DMD: variants seen among roughly 807,000 people sequenced by gnomAD.
DMD encodes the protein mutant dystrophin.
Under a neutral mutation model 330.1 loss-of-function variants are expected in DMD, and 63 were observed. That is an observed-to-expected ratio of 0.19 (90% CI 0.16 to 0.24). The LOEUF (loss-of-function observed/expected upper bound fraction) is 0.24, where lower values mean the gene tolerates loss of function less well. Ranked by LOEUF, DMD falls within the 10% of genes least tolerant of loss-of-function variation. The probability of loss-of-function intolerance (pLI) is 1.00; values close to 1 mark genes in which losing one functional copy is unlikely to be tolerated. For missense variants in DMD, 3,344 were observed against 2,684.1 expected (o/e 1.25, Z -5.43); for synonymous variants, 1,223 against 959.8 (o/e 1.27, Z -5.07).
At chrX:32,543,232 C>T (rs972764930) in intron 17 of DMD, among the ~76,000 whole-genome samples, 11 of 106,346 alleles carry the variant, frequency 1.0e-4, no homozygotes, top group African/African-American at 4.0e-4. Context: ...TAGGCACATA[C>T]AAAAATTGCC....
chrX:31,457,398 A>C (rs2066261199), intron 59 of DMD, among the ~76,000 whole-genome samples: 1 of 111,631 alleles, frequency 9.0e-6, no homozygotes, highest in Non-Finnish European at 1.9e-5. Flanking sequence ...TATGCCAGGG[A>C]ATGTTCTAGG....
chrX:32,575,701 G>C (rs951660168), intron 13 of DMD, among the ~76,000 whole-genome samples: 10 of 111,826 alleles, frequency 8.9e-5, no homozygotes, highest in African/African-American at 3.3e-4. Context: ...GGAGAAAAAA[G>C]CTTCAAATGG....
intron 1 of DMD, among the ~76,000 whole-genome samples, chrX:33,067,579 G>T (rs1162224082): frequency 8.9e-6 from 1 of 112,336 alleles, no homozygotes; most frequent in Non-Finnish European, 1.9e-5. Flanking sequence ...GGTGGCTCAC[G>T]CCTGTAATCC....
Position 32,817,569 on chromosome X carries a change from C to T in DMD, c.358-929G>A, listed in dbSNP as rs141503384. Among the ~76,000 whole-genome samples the T allele has an allele frequency of 2.3e-3, 252 of 111,159 alleles. 6 individuals carry two copies. In the East Asian group the frequency reaches 0.037, roughly 16 times the overall value. On this transcript the variant is annotated intron_variant, in intron 5 of 78. Coordinates refer to ENST00000357033, the MANE Select transcript of DMD (RefSeq NM_004006.3). ...TAAAGACTGCTTTTTAAATATAAGC[C>T]CCTTATGAGATGCTGGAAGAAGACA...
intron 60 of DMD, among the ~76,000 whole-genome samples, chrX:31,351,712 C>A (rs896754384): frequency 1.9e-4 from 9 of 48,631 alleles, no homozygotes; most frequent in African/African-American, 2.7e-4. Context: ...GGTAACAGAA[C>A]AAGACTCCAT....
At chrX:32,123,613 C>A (rs781428933) in intron 44 of DMD, among the ~76,000 whole-genome samples, 11 of 111,683 alleles carry the variant, frequency 9.8e-5, no homozygotes, top group Non-Finnish European at 2.1e-4. Context: ...CACCTCTTAA[C>A]TATACCTATA....
intron 2 of DMD, among the ~76,000 whole-genome samples, chrX:32,986,039 C>A (rs1235090877): frequency 9.0e-6 from 1 of 111,416 alleles, no homozygotes; most frequent in African/African-American, 3.3e-5. Context: ...TTCTAAATTG[C>A]GACTTCTCTC....
At chrX:32,588,639 C>T (rs150955953) in intron 13 of DMD, among the ~76,000 whole-genome samples, 7 of 111,949 alleles carry the variant, frequency 6.3e-5, no homozygotes, top group African/African-American at 2.3e-4. Flanking sequence ...TGGGAACCCA[C>T]ACTGACTTCA....
intron 24 of DMD, 98 bp downstream of exon 24, chrX:32,464,488 G>T: frequency 1.5e-6 from 1 of 647,729 alleles, no homozygotes; most frequent in Non-Finnish European, 2.5e-6. Flanking sequence ...CCACTGGGGA[G>T]AGGAGAGCAA....
Position 31,209,512 on chromosome X carries a change from C to G in DMD, c.9549G>C (p.Leu3183=), listed in dbSNP as rs2148590839. 1 of 1,211,190 alleles carries G rather than the reference C, an allele frequency of 8.3e-7. No homozygotes were observed. The highest frequency in any genetic ancestry group is 3.0e-5 in the East Asian group (1 of 33,832). The change falls in exon 65 of 79, where the codon CTG becomes CTC. Residue 3183 remains leucine, a synonymous_variant. Transcript: ENST00000357033. ...GCCATACGTACGTATCATAAACATT[C>G]AGCAGCCAGTTCAGACACATATCCA... ...LCVDMCLNWL[L]NVYDTGRTGR...
intron 55 of DMD, among the ~76,000 whole-genome samples, chrX:31,511,061 T>C (rs2071491814): frequency 9.0e-6 from 1 of 110,526 alleles, no homozygotes; most frequent in South Asian, 3.8e-4. Flanking sequence ...TGGTAGGAAA[T>C]CTTTCAAGCT....
intron 1 of DMD, among the ~76,000 whole-genome samples, chrX:33,220,657 G>T (rs942042038): frequency 9.0e-6 from 1 of 111,529 alleles, no homozygotes; most frequent in Non-Finnish European, 1.9e-5. Flanking sequence ...ACTATTGCTT[G>T]TCATTTTGTT....
At chrX:31,351,128 A>G (rs775778865) in intron 60 of DMD, among the ~76,000 whole-genome samples, 12 of 105,385 alleles carry the variant, frequency 1.1e-4, no homozygotes, top group African/African-American at 4.2e-4. Flanking sequence ...ACTTAATTTT[A>G]TATATTCACA....
intron 63 of DMD, among the ~76,000 whole-genome samples, chrX:31,255,769 CTTTTTTTT>C (rs146884145): frequency 3.9e-5 from 2 of 50,832 alleles, no homozygotes; most frequent in Non-Finnish European, 6.6e-5. Context: ...AATATCGTTA[CTTTTTTTT>C]TTTTTTTTTT....
At chrX:33,215,147 G>A (rs1032875249), upstream of DMD, among the ~76,000 whole-genome samples, 1 of 109,630 alleles carries the variant, frequency 9.1e-6, no homozygotes, top group Non-Finnish European at 1.9e-5. Context: ...ACCAGCCAGG[G>A]CGACATGGTG....
At chrX:33,124,227 C>T (rs1671203347) in intron 1 of DMD, among the ~76,000 whole-genome samples, 5 of 108,246 alleles carry the variant, frequency 4.6e-5, no homozygotes, top group Non-Finnish European at 9.6e-5. Flanking sequence ...CCTGTAACCC[C>T]AGCACTTTGG....
intron 9 of DMD, among the ~76,000 whole-genome samples, chrX:32,671,021 G>T (rs769274629): frequency 9.1e-6 from 1 of 110,260 alleles, no homozygotes; most frequent in Non-Finnish European, 1.9e-5. Flanking sequence ...CCAAAGCATC[G>T]CAAAGATCCA....
intron 2 of DMD, among the ~76,000 whole-genome samples, chrX:32,890,512 C>T (rs1020621315): frequency 8.2e-5 from 9 of 110,107 alleles, no homozygotes; most frequent in African/African-American, 1.7e-4. Context: ...ATGCCTGGGG[C>T]ACAGTTGAGA....
chrX:32,206,867 G>T, intron 44 of DMD: 1 of 313,304 alleles, frequency 3.2e-6, no homozygotes, highest in Admixed American at 4.8e-5. Context: ...ATGTTGTCCA[G>T]ATTCCATTGC....
Sources: gnomAD v4.1 joint callset for allele counts (sites outside exome capture counted in the v4.1 genomes callset) on GRCh38, gnomAD v4.1.1 for gene constraint, MANE v1.5 for transcripts, NCBI Gene and HGNC (gene_info 2026-07-23, HGNC 2026-07-21) for gene names.